The following KANK3 variants were observed in gnomAD, a reference collection of about 807,000 sequenced individuals.
KANK3 encodes the protein KN motif and ankyrin repeat domain-containing protein 3.
In KANK3, 61 loss-of-function variants were observed where a neutral mutation model predicts 65.4. The ratio of observed to expected loss-of-function variants is 0.93; its 90% CI spans 0.76 to 1.15. KANK3 has a LOEUF of 1.15. KANK3 is among the 50% of genes most tolerant of loss of function. The pLI is 0.00. For missense variants in KANK3, 1,187 were observed against 1,178.8 expected, an observed-to-expected ratio of 1.01 and a Z score of -0.10; for synonymous variants, 586 against 543.3, an observed-to-expected ratio of 1.08 and a Z score of -1.09.
rs1015110048 is a variant in KANK3, at chr19:8,324,801, G to A, written c.2112C>T (p.Ile704=). The A allele has an allele frequency of 6.2e-7, 1 of 1,613,380 alleles. No individual in the cohort carries two copies. The highest frequency in any genetic ancestry group is 8.5e-7 in the Non-Finnish European group (1 of 1,179,750). Residue 704 remains isoleucine, a synonymous_variant, in exon 9 of 11, where the codon ATC becomes ATT. Transcript: ENST00000330915. ...QTGQTALMLA[I]SHGRQDMVAT... is the part of the protein sequence containing the mutation. ...CCACCATGTCCTGTCGGCCATGGCT[G>A]ATGGCCAGCATGAGGGCTGTCTGCC...
Position 8,334,516 on chromosome 19 carries a change from C to T in KANK3, c.1311G>A (p.Arg437=). The T allele has an allele frequency of 6.2e-7, 1 of 1,604,374 alleles. No homozygotes were observed. Residue 437 remains arginine (R), a synonymous_variant, in exon 3 of 11, where the codon AGG becomes AGA. Coordinates refer to ENST00000330915, the MANE Select transcript of KANK3 (RefSeq NM_198471.3). The part of the protein sequence containing the change: ...ESSPGSMDGD[R]AVAPAGILKS... The stretch of plus-strand genomic sequence containing the variant: ...GGGACTCACCCGCGGGCGCCACGGC[C>T]CTGTCTCCGTCCATGGATCCGGGCG...
Position 8,340,628 on chromosome 19 carries a change from A to G in KANK3, c.-29+2597T>C, listed in dbSNP as rs570860971. Among the ~76,000 whole-genome samples the G allele has an allele frequency of 8.5e-5, 13 of 152,138 alleles. No homozygotes were observed. In the East Asian group the frequency reaches 2.5e-3, roughly 30 times the overall value. Reference sequence around the variant, plus strand: ...CCTTCTGGCTTCTCGAATCCCTGGGACCACCTGTGTGCCTGATGCTATGAA... The same window carrying G: ...CCTTCTGGCTTCTCGAATCCCTGGGGCCACCTGTGTGCCTGATGCTATGAA... On this transcript the variant is annotated intron_variant, in intron 1 of 10. Transcript: ENST00000330915.
chr19:8,338,222 A>G (rs1030250849), intron 1 of KANK3, among the ~76,000 whole-genome samples: 7 of 151,630 alleles, frequency 4.6e-5, no homozygotes, highest in Non-Finnish European at 1.0e-4. Context: ...AGGTTTCACC[A>G]TGTTGGCCAG....
At chr19:8,340,738 G>A (rs1229720130) in intron 1 of KANK3, among the ~76,000 whole-genome samples, 1 of 152,102 alleles carries the variant, frequency 6.6e-6, no homozygotes, top group Non-Finnish European at 1.5e-5. Context: ...CTTCTGTCTG[G>A]CCGAGGTCCC....
At chr19:8,338,407 C>G (rs1599653465) in intron 1 of KANK3, among the ~76,000 whole-genome samples, 1 of 152,024 alleles carries the variant, frequency 6.6e-6, no homozygotes, top group South Asian at 2.1e-4. Context: ...AGACATCAAG[C>G]AAAAAGAAGA....
At position 8,334,649 on chromosome 19, in the gene KANK3, G is replaced by T. The variant is rs779611225; in HGVS notation, c.1178C>A (p.Ala393Asp). The T allele has an allele frequency of 1.6e-5, 25 of 1,530,972 alleles. No individual in the cohort carries two copies. The highest frequency in any genetic ancestry group is 2.2e-5 in the Non-Finnish European group (25 of 1,145,236). The allele number at this position is 1,530,972 out of a possible 1,614,324, so 94.8% of individuals were successfully genotyped here. A position where few individuals can be genotyped will look rare whatever the true frequency, so the allele number is the denominator to read the frequency against. Reference protein sequence around the residue: ...REAAEEAAAGARAQLREATTQ... With the variant: ...REAAEEAAAGDRAQLREATTQ... ...GGTGGCCTCGCGTAGCTGGGCCCGG[G>T]CCCCCGCCGCTGCCTCCTCCGCAGC... is the stretch of plus-strand genomic sequence containing the variant. Residue 393 changes from alanine to aspartate, a missense_variant, in exon 3 of 11, where the codon GCC (alanine) becomes GAC (aspartate). This residue lies in a region of KANK3 where 1,078 missense variants were observed against 1,038.2 expected (regional missense o/e 1.04). Coordinates refer to ENST00000330915, the MANE Select transcript of KANK3 (RefSeq NM_198471.3).
At chr19:8,336,187 G>A (rs1236825683) in intron 2 of KANK3, among the ~76,000 whole-genome samples, 1 of 152,144 alleles carries the variant, frequency 6.6e-6, no homozygotes, top group Admixed American at 6.6e-5. Flanking sequence ...TGTAGTCGCA[G>A]CATTTTGGGA....
At position 8,334,388 on chromosome 19, in the gene KANK3, G is replaced by A. The variant is rs8106699; in HGVS notation, c.1359C>T (p.Asp453=). ...GILKSIMKKR[D]GTPGAQPSSG... is the part of the protein sequence containing the mutation. ...AGCTGGGTTGGGCACCAGGTGTGCC[G>A]TCTCTCTTCTTCATGATGGATTTGA... The change falls in exon 4 of 11, where the codon GAC becomes GAT. Residue 453 remains aspartate (D), a synonymous_variant. Transcript: ENST00000330915. 180,544 of 1,613,822 alleles carry A rather than the reference G, an allele frequency of 0.11. 11,047 individuals carry two copies. Among genetic ancestry groups the A allele is most frequent in the African/African-American group, 0.21 (15,829 of 74,976 alleles).
At position 8,324,414 on chromosome 19, in the gene KANK3, C is replaced by T. The variant is rs746478431; in HGVS notation, c.2382+35G>A. The T allele has an allele frequency of 4.5e-6, 7 of 1,543,628 alleles. No homozygotes were observed. The East Asian group carries it at 9.7e-5, about 21-fold the overall frequency. On this transcript the variant is annotated intron_variant, in intron 10 of 10. Transcript: ENST00000330915. ...TATCCTCTGCAAACTGAATTTGCAG[C>T]TGGGAAAGTTTGTTTCTTCCAGAGC...
chr19:8,335,257 CATCTGCTCGCGCACCAGCT>C lies in KANK3; in HGVS notation c.551_569del (p.Gln184ArgfsTer151). On this transcript the variant is annotated frameshift_variant, in exon 3 of 11. Coordinates refer to ENST00000330915, the MANE Select transcript of KANK3 (RefSeq NM_198471.3). LOFTEE classifies it high-confidence loss of function. ...CGCGCAGGCGCCGCAGCGCCGCGGC[CATCTGCTCGCGCACCAGCT>C]GCAGTTGGGCAGGGCCGGGCGAAGC... The C allele has an allele frequency of 8.2e-7, 1 of 1,225,234 alleles. No individual in the cohort carries two copies. The highest frequency in any genetic ancestry group is 3.1e-5 in the South Asian group (1 of 32,706). 75.9% of individuals were successfully genotyped at this position (1,225,234 alleles called of 1,614,324 possible).
At chr19:8,325,388 TCCA>T (rs1970410399) in intron 7 of KANK3, among the ~76,000 whole-genome samples, 2 of 136,740 alleles carry the variant, frequency 1.5e-5, no homozygotes, top group African/African-American at 5.4e-5. Flanking sequence ...CACTGCAATC[TCCA>T]CCTCCGGAGT....
At chr19:8,339,991 A>G (rs1407107857) in intron 1 of KANK3, among the ~76,000 whole-genome samples, 1 of 148,876 alleles carries the variant, frequency 6.7e-6, no homozygotes, top group Non-Finnish European at 1.5e-5. Context: ...AAAAGAAAAG[A>G]AAAGAAAAGA....
Position 8,324,448 on chromosome 19 carries a change from C to T in KANK3, c.2382+1G>A, listed in dbSNP as rs764603120. On this transcript the variant is annotated splice_donor_variant, in intron 10 of 10. Transcript: ENST00000330915. LOFTEE classifies it high-confidence loss of function. ...TTTGTTTCTTCCAGAGCTGTGCTCA[C>T]CTGGGTGTCGGGCTGGCCCGAGCTC... 1.3e-6 allele frequency: 2 copies of T among 1,596,962 alleles called. No individual in the cohort carries two copies. The highest frequency in any genetic ancestry group is 3.5e-5 in the Admixed American group (2 of 57,094).
chr19:8,342,374 G>A (rs1391589425), intron 1 of KANK3, among the ~76,000 whole-genome samples: 1 of 152,146 alleles, frequency 6.6e-6, no homozygotes, highest in African/African-American at 2.4e-5. Flanking sequence ...CGGCTTCAGG[G>A]GCTGGGGCCT....
intron 1 of KANK3, among the ~76,000 whole-genome samples, chr19:8,342,916 C>T (rs1347093513): frequency 6.6e-6 from 1 of 152,126 alleles, no homozygotes; most frequent in African/African-American, 2.4e-5. Flanking sequence ...GGCTGGGGTC[C>T]CCAGGCCGTC....
chr19:8,334,935 G>T lies in KANK3; in HGVS notation c.892C>A (p.Pro298Thr). Residue 298 changes from proline to threonine, a missense_variant, in exon 3 of 11, where the codon CCC becomes ACC. This residue lies in a region of KANK3 where 1,078 missense variants were observed against 1,038.2 expected (regional missense o/e 1.04). Transcript: ENST00000330915. ...DGEVGSLDGT[P>T]QTREVAAEAV... ...TCGGCGGCCACCTCCCGGGTCTGGG[G>T]CGTCCCATCGAGACTCCCGACCTCC... The T allele has an allele frequency of 6.7e-7, 1 of 1,483,372 alleles. No homozygotes were observed. Among genetic ancestry groups the T allele is most frequent in the South Asian group, 1.3e-5 (1 of 78,060 alleles). 91.9% of individuals were successfully genotyped at this position (1,483,372 alleles called of 1,614,324 possible). A position where few individuals can be genotyped will look rare whatever the true frequency, so the allele number is the denominator to read the frequency against.
intron 1 of KANK3, chr19:8,338,105 TC>T (rs1970674164): frequency 2.7e-6 from 1 of 371,510 alleles, no homozygotes; most frequent in African/African-American, 2.5e-5. Flanking sequence ...CATTGCAGCC[TC>T]CCCCTCCCGG....
At chr19:8,338,600 G>A (rs1181155002) in intron 1 of KANK3, among the ~76,000 whole-genome samples, 2 of 152,022 alleles carry the variant, frequency 1.3e-5, no homozygotes, top group African/African-American at 4.8e-5. Context: ...TCTAGGCTGG[G>A]CGCGGTGGCT....
At chr19:8,329,222 C>A in intron 7 of KANK3, among the ~76,000 whole-genome samples, 1 of 149,484 alleles carries the variant, frequency 6.7e-6, no homozygotes, top group East Asian at 2.0e-4. Context: ...TGCGGTTGCT[C>A]ACTCCTATAA....
Sources: gnomAD v4.1 joint callset for allele counts (sites outside exome capture counted in the v4.1 genomes callset) on GRCh38, gnomAD v4.1.1 for gene constraint, gnomAD v4.1.1 regional missense constraint, MANE v1.5 for transcripts, NCBI Gene and HGNC (gene_info 2026-07-23, HGNC 2026-07-21) for gene names.